Variants in PCDH15 observed in about 807,000 individuals in gnomAD.
PCDH15 encodes the protein protocadherin related 15.
Under a neutral mutation model 178.5 loss-of-function variants are expected in PCDH15, and 129 were observed. The ratio of observed to expected loss-of-function variants is 0.72; its 90% CI spans 0.63 to 0.84. The LOEUF is 0.84. PCDH15 is among the 40% of genes least tolerant of loss of function. PCDH15 has a pLI of 0.00. For synonymous variants in PCDH15, 800 were observed against 732.0 expected (o/e 1.09, Z -1.50); for missense variants, 2,230 against 2,099.9 (o/e 1.06, Z -1.21).
intron 2 of PCDH15, among the ~76,000 whole-genome samples, chr10:55,093,676 A>C (rs1842373567): frequency 6.6e-6 from 1 of 152,180 alleles, no homozygotes; most frequent in African/African-American, 2.4e-5. Context: ...GAAGGGATCC[A>C]GTTTCAACAA....
At chr10:54,174,305 G>C (rs1674973429) in intron 13 of PCDH15, among the ~76,000 whole-genome samples, 1 of 152,050 alleles carries the variant, frequency 6.6e-6, no homozygotes, top group African/African-American at 2.4e-5. Context: ...GGCCGAGGCA[G>C]GCAGATCACG....
At chr10:54,980,270 C>A (rs1319694037) in intron 2 of PCDH15, among the ~76,000 whole-genome samples, 3 of 152,126 alleles carry the variant, frequency 2.0e-5, no homozygotes, top group African/African-American at 4.8e-5. Flanking sequence ...AGCCAATTAG[C>A]GTGCTCTAAG....
chr10:54,944,776 G>A (rs1838152632), intron 2 of PCDH15, among the ~76,000 whole-genome samples: 1 of 151,810 alleles, frequency 6.6e-6, no homozygotes, highest in Admixed American at 6.6e-5. Flanking sequence ...GTATATGTTG[G>A]GGAGAATACA....
chr10:54,516,839 T>C lies in PCDH15; in HGVS notation c.157+10973A>G, dbSNP rs940561995. 2.5e-4 allele frequency among the ~76,000 whole-genome samples: 38 copies of C among 152,196 alleles called. 1 individual carries two copies. The highest frequency in any genetic ancestry group is 8.4e-4 in the African/African-American group (35 of 41,514). On this transcript the variant is annotated intron_variant, in intron 3 of 37. Transcript: ENST00000644397. ...GATTGGGTTACCCACAAAGGGAAGC[T>C]CATCAGAGTAACAGCAGATCTCTCG...
intron 2 of PCDH15, among the ~76,000 whole-genome samples, chr10:55,042,212 G>A (rs1840881357): frequency 6.6e-6 from 1 of 152,094 alleles, no homozygotes; most frequent in South Asian, 2.1e-4. Context: ...AGGAAGAATA[G>A]GCATGCTGAC....
At chr10:54,944,598 A>C (rs1376143569) in intron 2 of PCDH15, among the ~76,000 whole-genome samples, 19 of 151,952 alleles carry the variant, frequency 1.3e-4, no homozygotes, top group African/African-American at 4.6e-4. Flanking sequence ...TTGACTAAAG[A>C]AAGTCCACAT....
At chr10:55,505,340 A>G (rs939049702) in intron 2 of PCDH15, among the ~76,000 whole-genome samples, 3 of 151,360 alleles carry the variant, frequency 2.0e-5, no homozygotes, top group African/African-American at 7.3e-5. Flanking sequence ...CTGAAATTAG[A>G]GTTCATAGTA....
rs71007854 is a variant in PCDH15 at position 54,427,269 on chromosome 10, G to GTTTT, written c.158-48331_158-48328dup. Among the ~76,000 whole-genome samples, 87 of 56,764 alleles carry GTTTT rather than the reference G, an allele frequency of 1.5e-3. 8 individuals are homozygous for GTTTT. Among genetic ancestry groups the GTTTT allele is most frequent in the African/African-American group, 2.2e-3 (26 of 12,070 alleles). 37.2% of individuals were successfully genotyped at this position (56,764 alleles called of 152,430 possible). A position where few individuals can be genotyped will look rare whatever the true frequency, so the allele number is the denominator to read the frequency against. On this transcript the variant is annotated intron_variant, in intron 3 of 37. Coordinates refer to ENST00000644397, the MANE Select transcript of PCDH15 (RefSeq NM_001384140.1). ...CCTCTCATTTCTTTCTCTTTTTCTGGTTTTTTTTTTTTTTTTTTTTTTTTT... is the reference window on the plus strand; with the variant it reads ...CCTCTCATTTCTTTCTCTTTTTCTGGTTTTTTTTTTTTTTTTTTTTTTTTTTTTT...
intron 9 of PCDH15, among the ~76,000 whole-genome samples, chr10:54,232,570 A>G (rs2054181868): frequency 6.6e-6 from 1 of 152,200 alleles, no homozygotes; most frequent in Admixed American, 6.5e-5. Flanking sequence ...TTAACTTGTT[A>G]AAAGTCTACC....
intron 21 of PCDH15, among the ~76,000 whole-genome samples, chr10:53,986,292 AG>A (rs1183188994): frequency 6.6e-6 from 1 of 152,250 alleles, no homozygotes; most frequent in Non-Finnish European, 1.5e-5. Context: ...CATGCTTTGT[AG>A]GATGGCTTTT....
intron 2 of PCDH15, among the ~76,000 whole-genome samples, chr10:54,569,467 A>T (rs1239551765): frequency 6.6e-6 from 1 of 152,182 alleles, no homozygotes. Flanking sequence ...TTTTTCCAAA[A>T]TGTTAAAATC....
chr10:54,962,317 C>T (rs1311454807), intron 2 of PCDH15, among the ~76,000 whole-genome samples: 1 of 152,178 alleles, frequency 6.6e-6, no homozygotes, highest in Non-Finnish European at 1.5e-5. Context: ...TGATGGGAAG[C>T]AGTGGTGGGA....
chr10:55,087,828 T>A (rs1402792422), intron 2 of PCDH15, among the ~76,000 whole-genome samples: 2 of 152,116 alleles, frequency 1.3e-5, no homozygotes, highest in East Asian at 1.9e-4. Flanking sequence ...AGGAAAAAAA[T>A]AACAAATTCA....
intron 2 of PCDH15, among the ~76,000 whole-genome samples, chr10:54,616,599 T>TA (rs1565755109): frequency 6.6e-6 from 1 of 152,056 alleles, no homozygotes; most frequent in African/African-American, 2.4e-5. Context: ...TCTGATTTTT[T>TA]TAAAAAATTA....
intron 2 of PCDH15, among the ~76,000 whole-genome samples, chr10:55,063,813 A>G (rs1004249282): frequency 6.6e-6 from 1 of 152,100 alleles, no homozygotes; most frequent in Non-Finnish European, 1.5e-5. Context: ...ATAATCTGAC[A>G]CTCAAATAAA....
intron 6 of PCDH15, among the ~76,000 whole-genome samples, chr10:54,340,757 T>C (rs1942080128): frequency 6.6e-6 from 1 of 152,130 alleles, no homozygotes; most frequent in African/African-American, 2.4e-5. Context: ...GGGTTTGCCA[T>C]TCTCCTCCCT....
chr10:53,865,124 A>G (rs2099559610), intron 27 of PCDH15, among the ~76,000 whole-genome samples: 1 of 152,136 alleles, frequency 6.6e-6, no homozygotes, highest in Non-Finnish European at 1.5e-5. Flanking sequence ...CAACGATACT[A>G]ATTATAGAAT....
chr10:55,431,629 C>T (rs1188625826), intron 2 of PCDH15, among the ~76,000 whole-genome samples: 1 of 152,128 alleles, frequency 6.6e-6, no homozygotes, highest in East Asian at 1.9e-4. Flanking sequence ...ATACTCCAAG[C>T]AAATCTCTTA....
chr10:55,204,627 C>A (rs1397281982), intron 1 of PCDH15, among the ~76,000 whole-genome samples: 2 of 151,960 alleles, frequency 1.3e-5, no homozygotes, highest in African/African-American at 4.8e-5. Context: ...TCTAAATTTG[C>A]AAAGGCTGGA....
Sources: gnomAD v4.1 joint callset for allele counts (sites outside exome capture counted in the v4.1 genomes callset) on GRCh38, gnomAD v4.1.1 for gene constraint, MANE v1.5 for transcripts, NCBI Gene and HGNC (gene_info 2026-07-23, HGNC 2026-07-21) for gene names.